DHRSX: variants seen among roughly 807,000 people sequenced by gnomAD.
DHRSX encodes dehydrogenase/reductase X-linked, also known as polyprenol dehydrogenase.
In DHRSX, 31 loss-of-function variants were observed where a neutral mutation model predicts 34.0. That is an observed-to-expected ratio of 0.91 (90% CI 0.69 to 1.23). DHRSX has a LOEUF of 1.23. Among genes scored for constraint, DHRSX ranks in the 50% most tolerant of loss-of-function variants. The pLI is 0.00. For synonymous variants in DHRSX, 201 were observed against 183.8 expected (o/e 1.09, Z -0.76); for missense variants, 414 against 428.1 (o/e 0.97, Z 0.29).
intron 3 of DHRSX, among the ~76,000 whole-genome samples, chrX:2,388,306 C>T (rs2043295445): frequency 6.6e-6 from 1 of 152,104 alleles, no homozygotes; most frequent in African/African-American, 2.4e-5. Context: ...GATCCTCACC[C>T]CTAGGACTTC....
chrX:2,295,179 GC>G (rs1460487457), intron 3 of DHRSX, among the ~76,000 whole-genome samples: 1 of 152,122 alleles, frequency 6.6e-6, no homozygotes, highest in East Asian at 1.9e-4. Flanking sequence ...CAACCCAAAT[GC>G]CCATCAATGA....
intron 3 of DHRSX, among the ~76,000 whole-genome samples, chrX:2,347,546 T>A (rs1158851747): frequency 6.6e-6 from 1 of 152,092 alleles, no homozygotes; most frequent in Non-Finnish European, 1.5e-5. Context: ...ACACAAAAAT[T>A]AGCCGTGCAT....
At position 2,253,441 on chromosome X, in the gene DHRSX, G is replaced by A. The variant is rs1233879742; in HGVS notation, c.597-10211C>T. On this transcript the variant is annotated intron_variant, in intron 5 of 6. Coordinates refer to ENST00000334651, the MANE Select transcript of DHRSX (RefSeq NM_145177.3). ...ACATGGCCGTGAGCCAAGATGTCGC[G>A]GCCGCACTGCAGCCTGGGAGGTGGA... Among the ~76,000 whole-genome samples the A allele has an allele frequency of 1.3e-4, 19 of 149,952 alleles. 1 individual carries two copies. Among genetic ancestry groups the A allele is most frequent in the Admixed American group, 2.0e-4 (3 of 14,962 alleles).
rs143227668 is a variant in DHRSX, at chrX:2,470,675, C to G, written c.109+30142G>C. Reference sequence around the variant, plus strand: ...AGAGCTATGAACATGATGCTGTACTCCAGCCTGGCTATAGGATGAGACTGT... The same window carrying G: ...AGAGCTATGAACATGATGCTGTACTGCAGCCTGGCTATAGGATGAGACTGT... On this transcript the variant is annotated intron_variant, in intron 1 of 6. Coordinates refer to ENST00000334651, the MANE Select transcript of DHRSX (RefSeq NM_145177.3). 3.0e-3 allele frequency among the ~76,000 whole-genome samples: 458 copies of G among 152,216 alleles called. 9 individuals carry two copies. The highest frequency in any genetic ancestry group is 9.6e-3 in the African/African-American group (400 of 41,522).
chrX:2,365,967 T>C (rs2042990380), intron 3 of DHRSX, among the ~76,000 whole-genome samples: 1 of 152,086 alleles, frequency 6.6e-6, no homozygotes, highest in African/African-American at 2.4e-5. Flanking sequence ...GAACCCCCTC[T>C]CCCTGCCTGA....
At chrX:2,272,941 G>A (rs1028149655) in intron 4 of DHRSX, among the ~76,000 whole-genome samples, 1 of 152,152 alleles carries the variant, frequency 6.6e-6, no homozygotes, top group Non-Finnish European at 1.5e-5. Flanking sequence ...TCCCACTCCT[G>A]GGTATCTACC....
At chrX:2,392,682 T>G (rs1199103496) in intron 3 of DHRSX, among the ~76,000 whole-genome samples, 2 of 145,692 alleles carry the variant, frequency 1.4e-5, no homozygotes, top group Non-Finnish European at 3.0e-5. Context: ...TACATAAAAT[T>G]AAACATCCAA....
chrX:2,319,676 C>T (rs1380084669), intron 3 of DHRSX, among the ~76,000 whole-genome samples: 1 of 151,208 alleles, frequency 6.6e-6, no homozygotes, highest in East Asian at 1.9e-4. Flanking sequence ...AACATACAAA[C>T]TATGTACTAA....
intron 1 of DHRSX, among the ~76,000 whole-genome samples, chrX:2,436,817 G>A (rs1428290089): frequency 6.6e-6 from 1 of 151,690 alleles, no homozygotes; most frequent in Non-Finnish European, 1.5e-5. Flanking sequence ...TATTTTTGTA[G>A]AGATGGGGTC....
intron 1 of DHRSX, among the ~76,000 whole-genome samples, chrX:2,466,626 G>C (rs984616106): frequency 1.5e-4 from 23 of 152,126 alleles, no homozygotes; most frequent in Non-Finnish European, 2.8e-4. Flanking sequence ...GCAGGGGCAT[G>C]CTGGAGGGTG....
At chrX:2,283,145 C>T (rs2041751825) in intron 4 of DHRSX, among the ~76,000 whole-genome samples, 1 of 151,542 alleles carries the variant, frequency 6.6e-6, no homozygotes, top group Admixed American at 6.6e-5. Context: ...CTCGGGAGGG[C>T]GGTGGGAAGG....
chrX:2,291,896 A>ATTATTT (rs1556453319), intron 3 of DHRSX, among the ~76,000 whole-genome samples: 3 of 96,146 alleles, frequency 3.1e-5, no homozygotes, highest in Non-Finnish European at 4.2e-5. Flanking sequence ...GTATTTTTGT[A>ATTATTT]TTTTTTTTTT....
chrX:2,246,620 C>G (rs1486489501), intron 5 of DHRSX, among the ~76,000 whole-genome samples: 3 of 120,342 alleles, frequency 2.5e-5, no homozygotes, highest in African/African-American at 9.4e-5. Context: ...GAAAGTCTGT[C>G]AAAAAAAGAA....
intron 2 of DHRSX, among the ~76,000 whole-genome samples, chrX:2,414,837 T>C (rs1156816982): frequency 3.9e-5 from 6 of 151,972 alleles, no homozygotes; most frequent in Admixed American, 3.9e-4. Context: ...GAGCTCATCA[T>C]AGCCTAGGCC....
chrX:2,302,598 C>T (rs2042025295), intron 3 of DHRSX, among the ~76,000 whole-genome samples: 1 of 144,790 alleles, frequency 6.9e-6, no homozygotes, highest in African/African-American at 2.6e-5. Context: ...GGTGACAGAG[C>T]CAGACTGTCT....
chrX:2,408,031 G>C (rs1037154838), intron 3 of DHRSX, among the ~76,000 whole-genome samples: 1 of 152,214 alleles, frequency 6.6e-6, no homozygotes, highest in Non-Finnish European at 1.5e-5. Context: ...TGAACAGACA[G>C]AAAGAGCACA....
chrX:2,229,141 G>T (rs1306525405), intron 6 of DHRSX, among the ~76,000 whole-genome samples: 1 of 152,238 alleles, frequency 6.6e-6, no homozygotes, highest in South Asian at 2.1e-4. Flanking sequence ...AGAGATCTGA[G>T]GGCACATGTA....
At chrX:2,407,722 C>T (rs2043574406) in intron 3 of DHRSX, among the ~76,000 whole-genome samples, 1 of 152,128 alleles carries the variant, frequency 6.6e-6, no homozygotes. Flanking sequence ...TAAGCAGGAG[C>T]TAAATAATGT....
At chrX:2,489,080 ATGT>A in intron 1 of DHRSX, 3 of 1,613,788 alleles carry the variant, frequency 1.9e-6, no homozygotes, top group Non-Finnish European at 2.5e-6. Context: ...CTCGGCCAGC[ATGT>A]TGTTGATGAC....
Sources: allele counts gnomAD v4.1 joint callset (sites outside exome capture counted in the v4.1 genomes callset), GRCh38; gene constraint gnomAD v4.1.1; transcripts MANE v1.5; gene names NCBI Gene and HGNC (gene_info 2026-07-23, HGNC 2026-07-21).